Variants in POLA1 observed in about 807,000 individuals in gnomAD.
The protein encoded by POLA1 is DNA polymerase alpha catalytic subunit.
A neutral mutation model predicts 124.0 loss-of-function variants in POLA1; 15 were observed. That is an observed-to-expected ratio of 0.12 (90% confidence interval 0.08 to 0.19). The LOEUF is 0.19. Ranked by LOEUF, POLA1 falls within the 10% of genes least tolerant of loss-of-function variation. The probability of loss-of-function intolerance (pLI) is 1.00; values close to 1 mark genes in which losing one functional copy is unlikely to be tolerated. For missense variants in POLA1, 886 were observed against 1,103.4 expected, an observed-to-expected ratio of 0.80 and a Z score of 2.79; for synonymous variants, 408 against 389.4, an observed-to-expected ratio of 1.05 and a Z score of -0.56.
chrX:24,772,074 A>G (rs2045049435), intron 26 of POLA1, among the ~76,000 whole-genome samples: 1 of 111,929 alleles, frequency 8.9e-6, no homozygotes, highest in African/African-American at 3.2e-5. Context: ...CCTATCATAA[A>G]CATTTCTCTG....
chrX:24,834,188 T>C (rs2046311184), intron 32 of POLA1, among the ~76,000 whole-genome samples: 1 of 110,139 alleles, frequency 9.1e-6, no homozygotes, highest in South Asian at 3.9e-4. Context: ...TAAGTTAAAA[T>C]TTATATTTGT....
intron 36 of POLA1, among the ~76,000 whole-genome samples, chrX:24,978,230 TG>T (rs1232233082): frequency 8.9e-6 from 1 of 111,993 alleles, no homozygotes; most frequent in African/African-American, 3.2e-5. Context: ...TCCACATTTT[TG>T]TACTAGGAAT....
At chrX:24,716,015 C>G (rs1602269807) in intron 6 of POLA1, among the ~76,000 whole-genome samples, 1 of 111,450 alleles carries the variant, frequency 9.0e-6, no homozygotes, top group Non-Finnish European at 1.9e-5. Flanking sequence ...TAGAAGTGTA[C>G]TTCTTTTAAA....
intron 27 of POLA1, among the ~76,000 whole-genome samples, chrX:24,810,321 A>G (rs1046174032): frequency 1.8e-5 from 2 of 111,723 alleles, no homozygotes; most frequent in African/African-American, 6.5e-5. Context: ...AGAATCCATT[A>G]TGTTTCCGCT....
In POLA1 at chrX:24,900,648, A is replaced by G. The variant is rs181159845; in HGVS notation, c.4164+12526A>G. On this transcript the variant is annotated intron_variant, in intron 35 of 36. Transcript: ENST00000379068. Reference sequence around the variant, plus strand: ...TAGGCAGATGCATTTCCGCCGCTTCAAGGAAGGGTGCCGAATGTGCGCAGG... The same window carrying G: ...TAGGCAGATGCATTTCCGCCGCTTCGAGGAAGGGTGCCGAATGTGCGCAGG... Among the ~76,000 whole-genome samples the G allele has an allele frequency of 2.7e-5, 3 of 112,055 alleles. No homozygotes were observed. The East Asian group carries it at 8.4e-4, about 31-fold the overall frequency.
At chrX:24,958,908 C>G (rs1340219584) in intron 36 of POLA1, among the ~76,000 whole-genome samples, 9 of 111,683 alleles carry the variant, frequency 8.1e-5, no homozygotes, top group Non-Finnish European at 1.5e-4. Flanking sequence ...AAGTCTAACT[C>G]GACTGATCGA....
At chrX:24,931,789 GAC>G (rs964931520) in intron 36 of POLA1, among the ~76,000 whole-genome samples, 1 of 112,445 alleles carries the variant, frequency 8.9e-6, no homozygotes, top group African/African-American at 3.2e-5. Context: ...CTTTCCTAAA[GAC>G]AGTTATGAGT....
chrX:24,771,976 C>T (rs772725463), intron 26 of POLA1, among the ~76,000 whole-genome samples: 1 of 111,855 alleles, frequency 8.9e-6, no homozygotes, highest in East Asian at 2.8e-4. Context: ...CATATGCACA[C>T]GTATAAATCT....
chrX:24,969,513 T>G, intron 36 of POLA1, among the ~76,000 whole-genome samples: 1 of 111,040 alleles, frequency 9.0e-6, no homozygotes, highest in East Asian at 2.8e-4. Context: ...CTCTTAACAT[T>G]AATTTTTTTT....
chrX:24,887,962 T>C, intron 34 of POLA1, 44 bp from the exon 35 acceptor site: 1 of 782,225 alleles, frequency 1.3e-6, no homozygotes, highest in Non-Finnish European at 2.0e-6. Flanking sequence ...TTATTACTTG[T>C]ATTTGTCGAT....
chrX:24,973,924 G>GT (rs202046616), intron 36 of POLA1, among the ~76,000 whole-genome samples: 12 of 107,706 alleles, frequency 1.1e-4, no homozygotes, highest in African/African-American at 2.0e-4. Context: ...TATTTGACCA[G>GT]TTTTTTTTTT....
chrX:24,850,160 G>A (rs773612553), intron 34 of POLA1, among the ~76,000 whole-genome samples: 4 of 112,065 alleles, frequency 3.6e-5, no homozygotes, highest in Non-Finnish European at 7.5e-5. Context: ...TGTTATTGTC[G>A]TTGTTGTCAA....
chrX:24,836,771 C>T (rs1448989444), intron 32 of POLA1, among the ~76,000 whole-genome samples: 2 of 111,155 alleles, frequency 1.8e-5, no homozygotes, highest in African/African-American at 6.5e-5. Context: ...TTTGAGTATC[C>T]GTTATCTGAA....
intron 4 of POLA1, among the ~76,000 whole-genome samples, chrX:24,709,432 C>T (rs1300637565): frequency 2.0e-5 from 2 of 100,645 alleles, no homozygotes; most frequent in Non-Finnish European, 4.2e-5. Flanking sequence ...GCTGGCCAGG[C>T]GGGGGGCTGA....
intron 32 of POLA1, among the ~76,000 whole-genome samples, chrX:24,833,931 C>T (rs1189688195): frequency 9.1e-6 from 1 of 109,713 alleles, no homozygotes; most frequent in Admixed American, 9.7e-5. Context: ...CAAAAAATAC[C>T]AAAATTAGCT....
intron 36 of POLA1, among the ~76,000 whole-genome samples, chrX:24,976,032 A>G (rs2048361420): frequency 8.9e-6 from 1 of 112,555 alleles, no homozygotes; most frequent in South Asian, 3.7e-4. Flanking sequence ...TACATACACT[A>G]CTATACCACA....
chrX:24,782,077 G>A (rs2045275969), intron 26 of POLA1, among the ~76,000 whole-genome samples: 1 of 111,813 alleles, frequency 8.9e-6, no homozygotes. Flanking sequence ...TTAGCACACT[G>A]TAGATGGTCA....
At chrX:24,703,166 C>T in intron 2 of POLA1, 85 bp from the exon 3 acceptor site, 1 of 671,272 alleles carries the variant, frequency 1.5e-6, no homozygotes, top group Non-Finnish European at 2.3e-6. Context: ...ATTCCAGTTT[C>T]AATTTGACAA....
intron 36 of POLA1, among the ~76,000 whole-genome samples, chrX:24,938,639 C>A (rs1350212828): frequency 6.2e-5 from 7 of 112,395 alleles, no homozygotes; most frequent in African/African-American, 2.3e-4. Context: ...TTGAAATTTT[C>A]TTTTTCCTAC....
Sources: allele counts gnomAD v4.1 joint callset (sites outside exome capture counted in the v4.1 genomes callset), GRCh38; gene constraint gnomAD v4.1.1; transcripts MANE v1.5; gene names NCBI Gene and HGNC (gene_info 2026-07-23, HGNC 2026-07-21).